PTPRD: variants seen among roughly 807,000 people sequenced by gnomAD.
PTPRD encodes the protein protein tyrosine phosphatase receptor type D, also known as receptor-type tyrosine-protein phosphatase delta.
PTPRD carries 34 observed loss-of-function variants against 214.5 expected under a neutral mutation model. That is an observed-to-expected ratio of 0.16 (90% CI 0.12 to 0.21). The LOEUF (loss-of-function observed/expected upper bound fraction) is 0.21. Ranked by LOEUF, PTPRD falls within the 10% of genes least tolerant of loss-of-function variation. The pLI is 1.00. For missense variants in PTPRD, 2,545 were observed against 2,398.7 expected, an observed-to-expected ratio of 1.06 and a Z score of -1.27; for synonymous variants, 1,128 against 845.7, an observed-to-expected ratio of 1.33 and a Z score of -5.79.
intron 9 of PTPRD, among the ~76,000 whole-genome samples, chr9:9,213,516 T>G (rs554042091): frequency 4.9e-4 from 75 of 151,684 alleles, no homozygotes; most frequent in Non-Finnish European, 1.0e-3. Flanking sequence ...TTTCCTGGTT[T>G]TTTGTTTGTT....
intron 11 of PTPRD, among the ~76,000 whole-genome samples, chr9:8,749,150 G>A (rs1347573153): frequency 1.3e-5 from 2 of 152,060 alleles, no homozygotes; most frequent in African/African-American, 4.8e-5. Context: ...ATAATTAGGG[G>A]CCCATTGCCC....
intron 3 of PTPRD, among the ~76,000 whole-genome samples, chr9:10,212,415 A>G (rs1351853433): frequency 3.3e-5 from 5 of 152,166 alleles, no homozygotes; most frequent in African/African-American, 1.2e-4. Context: ...AGAGCAGAAT[A>G]TGTATGTTCC....
At chr9:9,851,731 G>C (rs12378854) in intron 5 of PTPRD, among the ~76,000 whole-genome samples, 5,184 of 152,256 alleles carry the variant, frequency 0.034, 95 homozygotes, top group Middle Eastern at 0.068. Flanking sequence ...AGTTAGCCAT[G>C]TTTGCACCAC....
intron 9 of PTPRD, among the ~76,000 whole-genome samples, chr9:9,369,751 A>G (rs1350647666): frequency 6.6e-6 from 1 of 152,118 alleles, no homozygotes; most frequent in East Asian, 1.9e-4. Context: ...TAGGTCTAAC[A>G]CATAAGTCTT....
At chr9:9,899,626 G>A (rs958932018) in intron 5 of PTPRD, among the ~76,000 whole-genome samples, 1 of 151,862 alleles carries the variant, frequency 6.6e-6, no homozygotes, top group African/African-American at 2.4e-5. Context: ...CAGCTATTAT[G>A]GAAAACAGTA....
intron 18 of PTPRD, 151 bp from the exon 19 acceptor site, chr9:8,523,675 G>C (rs1406805673): frequency 5.0e-5 from 40 of 802,610 alleles, no homozygotes; most frequent in Non-Finnish European, 7.1e-5. Context: ...TCCTATCTCA[G>C]CTGGAAAAGT....
chr9:9,658,403 C>T (rs1439667311), intron 7 of PTPRD, among the ~76,000 whole-genome samples: 1 of 152,120 alleles, frequency 6.6e-6, no homozygotes, highest in Non-Finnish European at 1.5e-5. Context: ...AAAATTGACT[C>T]TTCATTTTCT....
chr9:9,588,867 G>A (rs1446947993), intron 7 of PTPRD, among the ~76,000 whole-genome samples: 2 of 151,906 alleles, frequency 1.3e-5, no homozygotes, highest in East Asian at 3.9e-4. Flanking sequence ...CATTTTATGA[G>A]TTATTCTTAT....
At chr9:8,590,333 G>A (rs1028570980) in intron 14 of PTPRD, among the ~76,000 whole-genome samples, 1 of 152,134 alleles carries the variant, frequency 6.6e-6, no homozygotes, top group Non-Finnish European at 1.5e-5. Flanking sequence ...TCTGAACTAA[G>A]TTAATTACGT....
At position 9,823,018 on chromosome 9, in the gene PTPRD, C is replaced by T. The variant is rs546967015; in HGVS notation, c.-367-56167G>A. Among the ~76,000 whole-genome samples the T allele has an allele frequency of 2.6e-5, 4 of 152,212 alleles. No homozygotes were observed. In the South Asian group the frequency reaches 8.3e-4, roughly 32 times the overall value. On this transcript the variant is annotated intron_variant, in intron 5 of 45. Transcript: ENST00000381196. ...TATACTGAAGAGGTTTCTACACTCT[C>T]CAATTTATTGCAGCACTATTCACAA... is the stretch of plus-strand genomic sequence containing the variant.
At chr9:10,492,606 G>C (rs2040688447) in intron 2 of PTPRD, among the ~76,000 whole-genome samples, 3 of 152,038 alleles carry the variant, frequency 2.0e-5, no homozygotes, top group African/African-American at 7.3e-5. Context: ...GTAGATTCTG[G>C]ATATTAGCCC....
intron 9 of PTPRD, among the ~76,000 whole-genome samples, chr9:9,359,281 G>C (rs2055063675): frequency 6.6e-6 from 1 of 151,182 alleles, no homozygotes; most frequent in African/African-American, 2.4e-5. Context: ...ATGTGGCTTT[G>C]GGCTATTTTT....
chr9:9,379,525 T>C (rs1388249518), intron 9 of PTPRD, among the ~76,000 whole-genome samples: 1 of 151,986 alleles, frequency 6.6e-6, no homozygotes, highest in Non-Finnish European at 1.5e-5. Context: ...TTCTGGATAT[T>C]ATTTCTCTTT....
chr9:8,879,704 C>G (rs975029756), intron 11 of PTPRD, among the ~76,000 whole-genome samples: 3 of 152,168 alleles, frequency 2.0e-5, no homozygotes, highest in Admixed American at 1.3e-4. Context: ...AGCGTTCCTG[C>G]TAACTGCTTT....
At chr9:9,903,454 G>C (rs1003146876) in intron 5 of PTPRD, among the ~76,000 whole-genome samples, 1 of 152,028 alleles carries the variant, frequency 6.6e-6, no homozygotes, top group South Asian at 2.1e-4. Context: ...TATTGATAAA[G>C]CACTTAGAAT....
chr9:10,296,834 T>A (rs2095688901), intron 3 of PTPRD, among the ~76,000 whole-genome samples: 1 of 152,062 alleles, frequency 6.6e-6, no homozygotes, highest in Non-Finnish European at 1.5e-5. Context: ...TAATGACGAT[T>A]GACCTCTCTT....
At chr9:8,633,620 T>G (rs1286424734) in intron 13 of PTPRD, among the ~76,000 whole-genome samples, 162 bp from the exon 14 acceptor site, 1 of 152,052 alleles carries the variant, frequency 6.6e-6, no homozygotes, top group African/African-American at 2.4e-5. Context: ...TTGGTCTAAT[T>G]TAGTGAATCT....
intron 30 of PTPRD, among the ~76,000 whole-genome samples, chr9:8,475,067 C>T (rs2096736274): frequency 6.6e-6 from 1 of 152,098 alleles, no homozygotes; most frequent in South Asian, 2.1e-4. Context: ...CTCTTTCTCC[C>T]ACTCCTGACT....
At position 8,485,767 on chromosome 9, in the gene PTPRD, T is replaced by C. The variant is rs1450399333; in HGVS notation, c.3050A>G (p.Asp1017Gly). ...CGTAAGCAGACAAATCCTACCTTGA[T>C]CCACAGGCAGTGTCCTGAACTGGAC... ...PSVQFRTLPVDQVFAKNFHVK... is the reference protein window; with the variant it reads ...PSVQFRTLPVGQVFAKNFHVK... The change falls in exon 28 of 46, where the codon GAT becomes GGT. Residue 1017 changes from aspartate (D) to glycine (G), a missense_variant. Coordinates refer to ENST00000381196, the MANE Select transcript of PTPRD (RefSeq NM_002839.4). 2 of 1,610,144 alleles carry C rather than the reference T, an allele frequency of 1.2e-6. No individual in the cohort carries two copies. The highest frequency in any genetic ancestry group is 1.7e-6 in the Non-Finnish European group (2 of 1,178,382).
Sources: allele counts gnomAD v4.1 joint callset (sites outside exome capture counted in the v4.1 genomes callset), GRCh38; gene constraint gnomAD v4.1.1; transcripts MANE v1.5; gene names NCBI Gene and HGNC (gene_info 2026-07-23, HGNC 2026-07-21).